Variants in GPRC5A observed in about 807,000 individuals in gnomAD.
GPRC5A encodes the protein G protein-coupled receptor class C group 5 member A.
In GPRC5A, 19 loss-of-function variants were observed where a neutral mutation model predicts 22.5. The ratio of observed to expected loss-of-function variants is 0.85; its 90% CI spans 0.59 to 1.24. The LOEUF (loss-of-function observed/expected upper bound fraction) is 1.24, where lower values mean the gene tolerates loss of function less well. GPRC5A is among the 50% of genes most tolerant of loss of function. The pLI, the probability that GPRC5A is intolerant of heterozygous loss-of-function variation, is 0.00. For missense variants in GPRC5A, 471 were observed against 451.1 expected (o/e 1.04, Z -0.40); for synonymous variants, 192 against 184.5 (o/e 1.04, Z -0.33).
chr12:12,898,990 A>G (rs923394030), intron 1 of GPRC5A, among the ~76,000 whole-genome samples: 1 of 152,088 alleles, frequency 6.6e-6, no homozygotes, highest in Admixed American at 6.6e-5. Context: ...TGTGATTATT[A>G]TTCATTCCAA....
chr12:12,901,604 C>A lies in GPRC5A; in HGVS notation c.-7-6639C>A, dbSNP rs141489072. 5.2e-3 allele frequency among the ~76,000 whole-genome samples: 789 copies of A among 152,080 alleles called. 8 individuals carry two copies. Among genetic ancestry groups the A allele is most frequent in the African/African-American group, 0.018 (756 of 41,482 alleles). On this transcript the variant is annotated intron_variant, in intron 1 of 3. Transcript: ENST00000014914. ...TGCTAGGCAAGTGGCTGGGGAGAGA[C>A]AACGTTTAATGACTCAGTCTCCGCC...
chr12:12,910,588 G>A (rs1389685168), intron 2 of GPRC5A, among the ~76,000 whole-genome samples: 1 of 152,136 alleles, frequency 6.6e-6, no homozygotes, highest in African/African-American at 2.4e-5. Flanking sequence ...CAGTCCAGAT[G>A]AACCAAGTCG....
rs1344612429 is a variant in GPRC5A, at chr12:12,908,323, A to C, written c.74A>C (p.Glu25Ala). Reference sequence around the variant, plus strand: ...TACTACAGACTTTGTGATAAGGCTGAAGCTTGGGGCATCGTCCTAGAAACG... The same window carrying C: ...TACTACAGACTTTGTGATAAGGCTGCAGCTTGGGGCATCGTCCTAGAAACG... The part of the protein sequence containing the change: ...SKYYRLCDKA[E>A]AWGIVLETVA... Residue 25 changes from glutamate to alanine, a missense_variant, in exon 2 of 4, where the codon GAA becomes GCA. By Grantham distance (107) the Glu-to-Ala change is moderately radical. Transcript: ENST00000014914. The C allele has an allele frequency of 1.2e-6, 2 of 1,613,842 alleles. No homozygotes were observed. Among genetic ancestry groups the C allele is most frequent in the South Asian group, 2.2e-5 (2 of 90,998 alleles).
At chr12:12,898,758 A>C (rs539874565) in intron 1 of GPRC5A, among the ~76,000 whole-genome samples, 4 of 152,312 alleles carry the variant, frequency 2.6e-5, no homozygotes, top group African/African-American at 9.6e-5. Flanking sequence ...TCTGGGAGTT[A>C]ACCTGGGCTT....
At chr12:12,907,299 G>A (rs977545404) in intron 1 of GPRC5A, among the ~76,000 whole-genome samples, 1 of 151,182 alleles carries the variant, frequency 6.6e-6, no homozygotes, top group African/African-American at 2.4e-5. Context: ...TACTCTGGAG[G>A]CTGAGGCAGG....
chr12:12,909,154 A>G lies in GPRC5A; in HGVS notation c.905A>G (p.Gln302Arg), dbSNP rs1863978578. 2 of 1,588,346 alleles carry G rather than the reference A, an allele frequency of 1.3e-6. No homozygotes were observed. The highest frequency in any genetic ancestry group is 8.5e-7 in the Non-Finnish European group (1 of 1,172,538). ...SYGVENRAYS[Q>R]EEITQGFEET... ...GGTGTGGAGAACAGAGCCTACTCTC[A>G]AGAGGAAATCACTCAAGGTACAGAT... is the stretch of plus-strand genomic sequence containing the variant. Residue 302 changes from glutamine to arginine, a missense_variant, in exon 2 of 4, where the codon CAA becomes CGA. Physicochemically the swap from Gln to Arg is conservative, Grantham distance 43. Coordinates refer to ENST00000014914, the MANE Select transcript of GPRC5A (RefSeq NM_003979.4).
At chr12:12,894,557 C>T (rs1324047396) in intron 1 of GPRC5A, among the ~76,000 whole-genome samples, 4 of 151,830 alleles carry the variant, frequency 2.6e-5, no homozygotes, top group African/African-American at 7.3e-5. Flanking sequence ...TACAGGCACC[C>T]ACCACTACAC....
intron 1 of GPRC5A, among the ~76,000 whole-genome samples, chr12:12,893,744 GTTTTGTTTTGT>G (rs1565462088): frequency 6.6e-6 from 1 of 151,838 alleles, no homozygotes; most frequent in East Asian, 1.9e-4. Context: ...TTTTTGTTTT[GTTTTGTTTTGT>G]TTTTGTTTTC....
chr12:12,905,385 C>T (rs1431838763), intron 1 of GPRC5A, among the ~76,000 whole-genome samples: 1 of 152,134 alleles, frequency 6.6e-6, no homozygotes, highest in Non-Finnish European at 1.5e-5. Flanking sequence ...TTTCCTGCTG[C>T]AACATAGTTC....
chr12:12,898,836 A>G (rs754945535), intron 1 of GPRC5A, among the ~76,000 whole-genome samples: 1 of 152,138 alleles, frequency 6.6e-6, no homozygotes, highest in Non-Finnish European at 1.5e-5. Context: ...TTCATCTTTC[A>G]TGTTTCATCT....
intron 1 of GPRC5A, among the ~76,000 whole-genome samples, chr12:12,900,891 CAAAA>C (rs756416857): frequency 9.2e-5 from 2 of 21,680 alleles, no homozygotes; most frequent in African/African-American, 1.7e-4. Context: ...AACTCCGTCT[CAAAA>C]AAAAAAAAAA....
chr12:12,908,549 C>G lies in GPRC5A; in HGVS notation c.300C>G (p.Leu100=). ...DGSTGPTRFF[L]FGILFSICFS... ...GCACAGGGCCCACACGCTTCTTCCT[C>G]TTTGGGATCCTCTTTTCCATCTGCT... is the stretch of plus-strand genomic sequence containing the variant. Residue 100 remains leucine, a synonymous_variant, in exon 2 of 4, where the codon CTC becomes CTG. Transcript: ENST00000014914. 1 of 1,614,172 alleles carries G rather than the reference C, an allele frequency of 6.2e-7. No homozygotes were observed. The highest frequency in any genetic ancestry group is 8.5e-7 in the Non-Finnish European group (1 of 1,180,044).
chr12:12,908,355 A>G lies in GPRC5A; in HGVS notation c.106A>G (p.Thr36Ala). Residue 36 changes from threonine to alanine, a missense_variant, in exon 2 of 4, where the codon ACA becomes GCA. Thr to Ala is a moderately conservative substitution (Grantham distance 58). Transcript: ENST00000014914. ...AWGIVLETVA[T>A]AGVVTSVAFM... ...GGGCATCGTCCTAGAAACGGTGGCC[A>G]CAGCCGGGGTTGTGACCTCGGTGGC... 6.2e-7 allele frequency: 1 copy of G among 1,614,094 alleles called. No individual in the cohort carries two copies. Among genetic ancestry groups the G allele is most frequent in the Non-Finnish European group, 8.5e-7 (1 of 1,179,976 alleles).
chr12:12,897,227 TAA>T (rs5796515), intron 1 of GPRC5A, among the ~76,000 whole-genome samples: 6 of 88,288 alleles, frequency 6.8e-5, no homozygotes, highest in African/African-American at 1.4e-4. Context: ...GACCCTGTCT[TAA>T]AAAAAAAAAA....
chr12:12,911,552 G>A (rs1268779415), intron 2 of GPRC5A, among the ~76,000 whole-genome samples: 1 of 150,944 alleles, frequency 6.6e-6, no homozygotes, highest in Non-Finnish European at 1.5e-5. Flanking sequence ...GCAGTGGTGC[G>A]ATCTCGGCTC....
intron 1 of GPRC5A, among the ~76,000 whole-genome samples, chr12:12,894,401 A>G (rs1863798106): frequency 1.3e-5 from 2 of 151,968 alleles, no homozygotes. Context: ...TTCTCCTTGT[A>G]TTTTCAGCAG....
Position 12,912,614 on chromosome 12 carries a change from C to T in GPRC5A, c.*75C>T. The stretch of plus-strand genomic sequence containing the variant: ...GAGCTCAAAGGGATGTGGGCGAAAT[C>T]TTGAGTCTTCTGAGAAAACTGTACA... On this transcript the variant is annotated 3_prime_UTR_variant, in exon 4 of 4. Coordinates refer to ENST00000014914, the MANE Select transcript of GPRC5A (RefSeq NM_003979.4). The T allele has an allele frequency of 1.2e-6, 1 of 851,630 alleles. No individual in the cohort carries two copies. Among genetic ancestry groups the T allele is most frequent in the East Asian group, 2.4e-5 (1 of 41,464 alleles). 52.8% of individuals were successfully genotyped at this position (851,630 alleles called of 1,614,324 possible).
At chr12:12,894,772 GTT>G (rs56794431) in intron 1 of GPRC5A, among the ~76,000 whole-genome samples, 8,012 of 66,304 alleles carry the variant, frequency 0.12, 95 homozygotes, top group African/African-American at 0.21. Context: ...GTCTAGGATG[GTT>G]TTTTTTTTTT....
rs1160281690 is a variant in GPRC5A, at chr12:12,902,022, C to T, written c.-7-6221C>T. On this transcript the variant is annotated intron_variant, in intron 1 of 3. Transcript: ENST00000014914. ...TCATATTCCTAAATGCTGATCACTT[C>T]TCTTTTCCCTCTCAAATGCTGCTTT... Among the ~76,000 whole-genome samples the T allele has an allele frequency of 3.9e-5, 6 of 152,324 alleles. No individual in the cohort carries two copies. In the East Asian group the frequency reaches 9.6e-4, roughly 24 times the overall value.
Sources: gnomAD v4.1 joint callset for allele counts (sites outside exome capture counted in the v4.1 genomes callset) on GRCh38, gnomAD v4.1.1 for gene constraint, MANE v1.5 for transcripts, NCBI Gene and HGNC (gene_info 2026-07-23, HGNC 2026-07-21) for gene names.